Variants in LEKR1 observed in about 807,000 individuals in gnomAD.
LEKR1 encodes the protein protein LEKR1.
LEKR1 carries 59 observed loss-of-function variants against 72.4 expected under a neutral mutation model. The ratio of observed to expected loss-of-function variants is 0.82; its 90% confidence interval spans 0.66 to 1.01. The LOEUF (loss-of-function observed/expected upper bound fraction) is 1.01. Among genes scored for constraint, LEKR1 ranks in the 50% least tolerant of loss-of-function variants. The pLI, the probability that LEKR1 is intolerant of heterozygous loss-of-function variation, is 0.00. For synonymous variants in LEKR1, 257 were observed against 263.2 expected, an observed-to-expected ratio of 0.98 and a Z score of 0.23; for missense variants, 728 against 759.2, an observed-to-expected ratio of 0.96 and a Z score of 0.48.
chr3:156,847,771 T>C (rs963912545), intron 2 of LEKR1, among the ~76,000 whole-genome samples: 1 of 152,228 alleles, frequency 6.6e-6, no homozygotes, highest in Non-Finnish European at 1.5e-5. Context: ...TGTGGACCTA[T>C]TATTTTAAAA....
At chr3:156,932,386 T>A (rs1415738312) in intron 5 of LEKR1, among the ~76,000 whole-genome samples, 1 of 152,196 alleles carries the variant, frequency 6.6e-6, no homozygotes, top group Admixed American at 6.6e-5. Flanking sequence ...ATAATTAAAT[T>A]TAGGCAAATA....
intron 7 of LEKR1, among the ~76,000 whole-genome samples, chr3:156,990,470 T>C (rs1017838296): frequency 1.3e-5 from 2 of 152,200 alleles, no homozygotes; most frequent in African/African-American, 4.8e-5. Context: ...TCCTTAGATA[T>C]AGCATCCATT....
intron 12 of LEKR1, among the ~76,000 whole-genome samples, chr3:157,029,643 TC>T (rs1292756234): frequency 6.6e-6 from 1 of 151,822 alleles, no homozygotes; most frequent in Non-Finnish European, 1.5e-5. Flanking sequence ...AGCAGCTCAG[TC>T]CCCCCAATGA....
chr3:156,912,083 A>C (rs1332204834), intron 3 of LEKR1, among the ~76,000 whole-genome samples: 2 of 152,080 alleles, frequency 1.3e-5, no homozygotes, highest in Admixed American at 1.3e-4. Flanking sequence ...AAATGTACCA[A>C]TTTATACTCT....
At chr3:156,965,417 A>G (rs1255582626) in intron 6 of LEKR1, among the ~76,000 whole-genome samples, 1 of 152,154 alleles carries the variant, frequency 6.6e-6, no homozygotes, top group Non-Finnish European at 1.5e-5. Context: ...GGTCCTTAAT[A>G]TTAGAATGTA....
At chr3:156,844,691 T>C (rs546434924) in intron 2 of LEKR1, among the ~76,000 whole-genome samples, 2 of 152,298 alleles carry the variant, frequency 1.3e-5, no homozygotes, top group South Asian at 4.1e-4. Context: ...ATCAATAGTT[T>C]ATTCCTTTTT....
chr3:156,987,244 G>A (rs1730769352), intron 7 of LEKR1, among the ~76,000 whole-genome samples: 1 of 152,118 alleles, frequency 6.6e-6, no homozygotes, highest in South Asian at 2.1e-4. Flanking sequence ...CCTAATGAAG[G>A]TGAAGATAAC....
chr3:156,841,955 T>C (rs1713965523), intron 2 of LEKR1, among the ~76,000 whole-genome samples: 1 of 152,220 alleles, frequency 6.6e-6, no homozygotes, highest in African/African-American at 2.4e-5. Flanking sequence ...GTCTGAGCTC[T>C]GCCTCCTGTC....
Position 156,846,291 on chromosome 3 carries a change from A to G in LEKR1, c.49-6477A>G, listed in dbSNP as rs184841515. On this transcript the variant is annotated intron_variant, in intron 2 of 12. Transcript: ENST00000356539. The stretch of plus-strand genomic sequence containing the variant: ...GAGAGTTTTATTTTTTCCTTCTAAT[A>G]TGTATGCCTTTTATTTCCCCTTCTT... 1.5e-4 allele frequency among the ~76,000 whole-genome samples: 23 copies of G among 152,206 alleles called. 1 individual carries two copies. In the East Asian group the frequency reaches 4.0e-3, roughly 27 times the overall value.
chr3:156,992,763 T>C (rs1459963852), intron 8 of LEKR1, 33 bp downstream of exon 8: 5 of 461,042 alleles, frequency 1.1e-5, no homozygotes, highest in Non-Finnish European at 1.6e-5. Flanking sequence ...TTTATATTTT[T>C]AATAATTGAA....
intron 10 of LEKR1, among the ~76,000 whole-genome samples, chr3:157,016,639 G>C (rs886149654): frequency 2.9e-4 from 44 of 152,144 alleles, no homozygotes; most frequent in Non-Finnish European, 1.5e-5. Context: ...TCTACACAGA[G>C]GAATGTAGAA....
chr3:156,905,370 T>A (rs574309345), intron 3 of LEKR1, among the ~76,000 whole-genome samples: 1 of 152,180 alleles, frequency 6.6e-6, no homozygotes, highest in African/African-American at 2.4e-5. Context: ...TTTGAGTAAC[T>A]AAATTAGAAT....
Position 156,992,677 on chromosome 3 carries a change from C to T in LEKR1, c.852C>T (p.Asp284=). ...MLMNKSNEAD[D]CQRELKKLKF... ...GGAATAAATCTAATGAAGCTGATGA[C>T]TGTCAAAGAGAACTTAAAAAACTGA... The change falls in exon 8 of 13, where the codon GAC becomes GAT. Residue 284 remains aspartate, a synonymous_variant. Transcript: ENST00000356539. 3 of 996,140 alleles carry T rather than the reference C, an allele frequency of 3.0e-6. No homozygotes were observed. The highest frequency in any genetic ancestry group is 2.5e-6 in the Non-Finnish European group (2 of 785,630). The allele number at this position is 996,140 out of a possible 1,614,324, so 61.7% of individuals were successfully genotyped here. A position where few individuals can be genotyped will look rare whatever the true frequency, so the allele number is the denominator to read the frequency against.
chr3:156,846,256 C>T (rs956002845), intron 2 of LEKR1, among the ~76,000 whole-genome samples: 2 of 152,090 alleles, frequency 1.3e-5, no homozygotes, highest in Non-Finnish European at 2.9e-5. Flanking sequence ...ATTATGCCAT[C>T]TCAATTAAGG....
chr3:156,882,215 A>G (rs1239477058), intron 3 of LEKR1, among the ~76,000 whole-genome samples: 1 of 152,066 alleles, frequency 6.6e-6, no homozygotes, highest in Non-Finnish European at 1.5e-5. Flanking sequence ...TGAACAGGCA[A>G]CCTACAAAAT....
chr3:156,840,683 G>T (rs1239337317), intron 2 of LEKR1, among the ~76,000 whole-genome samples: 2 of 152,232 alleles, frequency 1.3e-5, no homozygotes. Flanking sequence ...TACTGTTGCT[G>T]CCTGCCCTTC....
chr3:156,878,694 T>C (rs543812123), intron 3 of LEKR1, among the ~76,000 whole-genome samples: 3 of 152,328 alleles, frequency 2.0e-5, no homozygotes, highest in Non-Finnish European at 4.4e-5. Flanking sequence ...ACTTTCTGTC[T>C]TGATGATCTG....
chr3:156,878,440 A>G (rs1207838841), intron 3 of LEKR1, among the ~76,000 whole-genome samples: 1 of 152,178 alleles, frequency 6.6e-6, no homozygotes, highest in African/African-American at 2.4e-5. Context: ...AGTTTTAAGC[A>G]TTCCTTTTCA....
intron 9 of LEKR1, among the ~76,000 whole-genome samples, chr3:157,001,980 G>A (rs1253719789): frequency 6.6e-6 from 1 of 152,134 alleles, no homozygotes; most frequent in African/African-American, 2.4e-5. Flanking sequence ...ACTGATCATG[G>A]AATTTAAAAC....
Sources: allele counts gnomAD v4.1 joint callset (sites outside exome capture counted in the v4.1 genomes callset), GRCh38; gene constraint gnomAD v4.1.1; transcripts MANE v1.5; gene names NCBI Gene and HGNC (gene_info 2026-07-23, HGNC 2026-07-21).